NRG1: variants seen among roughly 807,000 people sequenced by gnomAD.
NRG1 encodes the protein pro-neuregulin-1, membrane-bound isoform.
In NRG1, 18 loss-of-function variants were observed where a neutral mutation model predicts 63.8. That is an observed-to-expected ratio of 0.28 (90% CI 0.19 to 0.42). The LOEUF (loss-of-function observed/expected upper bound fraction) is 0.42. Among genes scored for constraint, NRG1 ranks in the 10% least tolerant of loss-of-function variants. The pLI, the probability that NRG1 is intolerant of heterozygous loss-of-function variation, is 1.00. For synonymous variants in NRG1, 302 were observed against 301.3 expected (o/e 1.00, Z -0.02); for missense variants, 762 against 814.7 (o/e 0.94, Z 0.79).
intron 5 of NRG1, among the ~76,000 whole-genome samples, chr8:32,719,602 C>T (rs1293168842): frequency 6.6e-6 from 1 of 152,048 alleles, no homozygotes; most frequent in African/African-American, 2.4e-5. Flanking sequence ...AGATTTCCTA[C>T]ATTTGTAACT....
At chr8:32,464,017 C>T (rs561971746) in intron 1 of NRG1, among the ~76,000 whole-genome samples, 22 of 148,730 alleles carry the variant, frequency 1.5e-4, no homozygotes, top group African/African-American at 3.9e-4. Context: ...CTCAGCCTCC[C>T]GAGTAGCTGG....
intron 1 of NRG1, among the ~76,000 whole-genome samples, chr8:32,175,176 C>T (rs1437300100): frequency 1.3e-5 from 2 of 152,186 alleles, no homozygotes; most frequent in East Asian, 1.9e-4. Flanking sequence ...GCTGGTTCAA[C>T]ATACGAAAAT....
intron 1 of NRG1, among the ~76,000 whole-genome samples, chr8:31,955,383 G>T (rs1014815275): frequency 7.2e-5 from 11 of 152,134 alleles, no homozygotes; most frequent in African/African-American, 2.7e-4. Flanking sequence ...TTGAGAAGCT[G>T]GTATAAATAG....
intron 1 of NRG1, among the ~76,000 whole-genome samples, chr8:31,952,008 G>A (rs1192044792): frequency 1.3e-5 from 2 of 152,136 alleles, no homozygotes; most frequent in Non-Finnish European, 2.9e-5. Flanking sequence ...GCAAGAAACC[G>A]ACTGTCTTAC....
chr8:32,728,765 T>G, intron 6 of NRG1: 1 of 677,548 alleles, frequency 1.5e-6, no homozygotes, highest in Non-Finnish European at 1.8e-6. Context: ...GATGCACCAT[T>G]AAGAAGTATC....
chr8:32,290,822 T>C (rs1854108298), intron 1 of NRG1, among the ~76,000 whole-genome samples: 1 of 151,778 alleles, frequency 6.6e-6, no homozygotes, highest in African/African-American at 2.4e-5. Flanking sequence ...AATTAAATTA[T>C]GAATGTCTCT....
chr8:31,946,228 G>T (rs1457648720), intron 1 of NRG1, among the ~76,000 whole-genome samples: 1 of 152,098 alleles, frequency 6.6e-6, no homozygotes, highest in Non-Finnish European at 1.5e-5. Flanking sequence ...TTATCTTCTA[G>T]ATTGCAGAAG....
chr8:32,324,895 A>T (rs950416912), intron 1 of NRG1, among the ~76,000 whole-genome samples: 3 of 152,180 alleles, frequency 2.0e-5, no homozygotes, highest in African/African-American at 7.2e-5. Context: ...TGAGAAATCT[A>T]CATAAATCTC....
At chr8:32,173,747 C>T (rs1266633196) in intron 1 of NRG1, among the ~76,000 whole-genome samples, 2 of 152,016 alleles carry the variant, frequency 1.3e-5, no homozygotes, top group African/African-American at 4.8e-5. Flanking sequence ...ACAAAGAAGG[C>T]CATTACATAA....
chr8:32,357,801 C>G (rs1435706066), intron 1 of NRG1, among the ~76,000 whole-genome samples: 1 of 152,208 alleles, frequency 6.6e-6, no homozygotes, highest in Admixed American at 6.5e-5. Flanking sequence ...TTATAAGACA[C>G]TGTCTTTGGA....
chr8:31,696,346 C>T (rs772247770), intron 1 of NRG1, among the ~76,000 whole-genome samples: 6 of 152,188 alleles, frequency 3.9e-5, no homozygotes, highest in Admixed American at 3.3e-4. Flanking sequence ...GGATTACAGG[C>T]GTGAGCCACA....
At chr8:31,689,552 G>T (rs1362048351) in intron 1 of NRG1, among the ~76,000 whole-genome samples, 1 of 152,044 alleles carries the variant, frequency 6.6e-6, no homozygotes, top group East Asian at 1.9e-4. Flanking sequence ...CTTCTTGCCC[G>T]CTTTTCCCAT....
At chr8:32,581,365 G>T (rs1465782806) in intron 1 of NRG1, among the ~76,000 whole-genome samples, 1 of 152,152 alleles carries the variant, frequency 6.6e-6, no homozygotes, top group Non-Finnish European at 1.5e-5. Context: ...GAGTAATAAA[G>T]GTAGTGATAA....
intron 1 of NRG1, chr8:32,061,682 C>G (rs1203238981): frequency 1.3e-5 from 2 of 151,984 alleles, no homozygotes; most frequent in African/African-American, 4.8e-5. Flanking sequence ...CTTGTCACAA[C>G]TAGGAAAGTC....
chr8:31,767,059 A>G (rs1255818809), intron 1 of NRG1, among the ~76,000 whole-genome samples: 2 of 152,216 alleles, frequency 1.3e-5, no homozygotes, highest in Non-Finnish European at 2.9e-5. Context: ...AAAGGGAGAA[A>G]GCAGCAGGTC....
intron 1 of NRG1, among the ~76,000 whole-genome samples, chr8:31,936,499 G>T (rs1336128927): frequency 6.6e-6 from 1 of 152,040 alleles, no homozygotes; most frequent in Non-Finnish European, 1.5e-5. Flanking sequence ...TATTGCCCTT[G>T]TTTAGGGAGA....
chr8:32,417,422 T>C (rs6468100), intron 1 of NRG1, among the ~76,000 whole-genome samples: 146,250 of 152,160 alleles, frequency 0.96, 70,517 homozygotes, highest in East Asian at 1. Flanking sequence ...TCATTGTCTT[T>C]CTTGAGGGTT....
chr8:32,242,603 C>T (rs955343835), intron 1 of NRG1, among the ~76,000 whole-genome samples: 7 of 152,264 alleles, frequency 4.6e-5, no homozygotes, highest in African/African-American at 1.7e-4. Flanking sequence ...TATTAATCAT[C>T]TTATTTGTTG....
At chr8:32,394,022 G>A (rs904036949) in intron 1 of NRG1, among the ~76,000 whole-genome samples, 3 of 152,000 alleles carry the variant, frequency 2.0e-5, no homozygotes, top group African/African-American at 7.3e-5. Context: ...GCCTTATCGT[G>A]CATCTCTTAT....
Sources: gnomAD v4.1 joint callset for allele counts (sites outside exome capture counted in the v4.1 genomes callset) on GRCh38, gnomAD v4.1.1 for gene constraint, MANE v1.5 for transcripts, NCBI Gene and HGNC (gene_info 2026-07-23, HGNC 2026-07-21) for gene names.